The following CCSER1 variants were observed in gnomAD, a reference collection of about 807,000 sequenced individuals.
CCSER1 encodes the protein serine-rich coiled-coil domain-containing protein 1.
CCSER1 carries 41 observed loss-of-function variants against 82.0 expected under a neutral mutation model. The ratio of observed to expected loss-of-function variants is 0.50; its 90% CI spans 0.39 to 0.65. The LOEUF is 0.65. Ranked by LOEUF, CCSER1 falls within the 30% of genes least tolerant of loss-of-function variation. The pLI, the probability that CCSER1 is intolerant of heterozygous loss-of-function variation, is 0.00. For synonymous variants in CCSER1, 414 were observed against 383.9 expected (o/e 1.08, Z -0.92); for missense variants, 1,119 against 1,064.2 (o/e 1.05, Z -0.72).
chr4:91,260,855 G>A (rs1741068434), intron 10 of CCSER1, among the ~76,000 whole-genome samples: 1 of 152,078 alleles, frequency 6.6e-6, no homozygotes, highest in African/African-American at 2.4e-5. Flanking sequence ...CCACCTCCCG[G>A]GTTCACGCCA....
intron 5 of CCSER1, among the ~76,000 whole-genome samples, chr4:90,605,259 T>C (rs1030248364): frequency 6.6e-6 from 1 of 152,216 alleles, no homozygotes; most frequent in East Asian, 1.9e-4. Context: ...AGCTTCATTC[T>C]TGAAGTCAGC....
At chr4:91,245,728 C>A (rs1471738460) in intron 10 of CCSER1, among the ~76,000 whole-genome samples, 1 of 152,130 alleles carries the variant, frequency 6.6e-6, no homozygotes, top group African/African-American at 2.4e-5. Flanking sequence ...TGGAGTTTCG[C>A]TCTTGTTGCC....
chr4:91,362,059 C>A (rs957794400), intron 10 of CCSER1, among the ~76,000 whole-genome samples: 10 of 151,680 alleles, frequency 6.6e-5, no homozygotes, highest in African/African-American at 2.4e-4. Flanking sequence ...GAAGGCCCTG[C>A]ACGGAAGGGA....
chr4:90,334,083 C>A (rs1361666767), intron 3 of CCSER1, among the ~76,000 whole-genome samples: 1 of 152,170 alleles, frequency 6.6e-6, no homozygotes, highest in Non-Finnish European at 1.5e-5. Flanking sequence ...ATTCTTAACA[C>A]AACCATTACC....
intron 9 of CCSER1, among the ~76,000 whole-genome samples, chr4:91,051,513 T>C (rs1347788571): frequency 1.3e-5 from 2 of 152,158 alleles, no homozygotes; most frequent in Non-Finnish European, 2.9e-5. Flanking sequence ...ACTTTCAAAC[T>C]GTTCCTAAAA....
chr4:91,578,923 T>C (rs1292346193), intron 10 of CCSER1, among the ~76,000 whole-genome samples: 1 of 151,822 alleles, frequency 6.6e-6, no homozygotes, highest in Non-Finnish European at 1.5e-5. Context: ...TGTCTATTCA[T>C]CCATCCATAT....
At chr4:90,209,359 T>A (rs1177817837) in intron 1 of CCSER1, among the ~76,000 whole-genome samples, 2 of 152,018 alleles carry the variant, frequency 1.3e-5, no homozygotes, top group Non-Finnish European at 2.9e-5. Context: ...ATCTGGGCAA[T>A]GAGTAGTGGA....
intron 10 of CCSER1, among the ~76,000 whole-genome samples, chr4:91,225,070 G>A (rs1039177032): frequency 6.7e-6 from 1 of 148,396 alleles, no homozygotes; most frequent in Non-Finnish European, 1.5e-5. Context: ...AAATAGCAAT[G>A]TTTTAGAATT....
intron 10 of CCSER1, among the ~76,000 whole-genome samples, chr4:91,459,138 CT>C (rs1314809160): frequency 1.6e-4 from 12 of 76,694 alleles, no homozygotes; most frequent in African/African-American, 5.3e-4. Context: ...TTTACAAAGT[CT>C]TTTTTTAAAA....
intron 5 of CCSER1, among the ~76,000 whole-genome samples, chr4:90,484,939 G>T (rs914620488): frequency 1.3e-5 from 2 of 152,206 alleles, no homozygotes; most frequent in Admixed American, 6.5e-5. Context: ...AGAGGTTATT[G>T]CTGTCTTTTG....
chr4:90,783,127 A>C (rs1319277121), intron 7 of CCSER1, among the ~76,000 whole-genome samples: 2 of 152,122 alleles, frequency 1.3e-5, no homozygotes, highest in Non-Finnish European at 2.9e-5. Flanking sequence ...TTTTTAGTAG[A>C]GATGGGGTTT....
At chr4:90,469,640 G>T (rs1764102128) in intron 5 of CCSER1, among the ~76,000 whole-genome samples, 1 of 151,326 alleles carries the variant, frequency 6.6e-6, no homozygotes, top group Non-Finnish European at 1.5e-5. Flanking sequence ...ATTGAGAAAG[G>T]ACCTGAAATC....
intron 10 of CCSER1, among the ~76,000 whole-genome samples, chr4:91,127,880 A>C (rs1727650216): frequency 1.3e-5 from 2 of 152,016 alleles, no homozygotes; most frequent in African/African-American, 4.8e-5. Flanking sequence ...AAATGGCAAA[A>C]ATGCTATTGC....
intron 1 of CCSER1, among the ~76,000 whole-genome samples, chr4:90,299,192 T>G (rs1161644961): frequency 3.3e-5 from 5 of 152,080 alleles, no homozygotes; most frequent in African/African-American, 1.2e-4. Flanking sequence ...CTTTTGTAGC[T>G]TTTCCCATTG....
intron 3 of CCSER1, among the ~76,000 whole-genome samples, chr4:90,316,654 T>A (rs1014689470): frequency 3.9e-5 from 6 of 152,328 alleles, no homozygotes; most frequent in Non-Finnish European, 4.4e-5. Flanking sequence ...CAGCCCTTCA[T>A]GTAGTTCATG....
chr4:90,893,202 C>A (rs1366068139), intron 8 of CCSER1, among the ~76,000 whole-genome samples: 3 of 151,910 alleles, frequency 2.0e-5, no homozygotes, highest in Non-Finnish European at 4.4e-5. Context: ...ACAGAAAGTC[C>A]CACACACCAC....
chr4:91,106,318 A>G (rs534087351), intron 10 of CCSER1, among the ~76,000 whole-genome samples: 1 of 152,338 alleles, frequency 6.6e-6, no homozygotes, highest in South Asian at 2.1e-4. Flanking sequence ...CCGAAGTCAT[A>G]GTTAGTAAGC....
At position 91,181,757 on chromosome 4, in the gene CCSER1, G is replaced by A. The variant is rs369775370; in HGVS notation, c.2217+95763G>A. On this transcript the variant is annotated intron_variant, in intron 10 of 10. Coordinates refer to ENST00000509176, the MANE Select transcript of CCSER1 (RefSeq NM_001145065.2). Reference sequence around the variant, plus strand: ...CAATGCGATCTTCCTAAACAAGTACGTTCATTTTTTCTAACTGGGTCCAAG... The same window carrying A: ...CAATGCGATCTTCCTAAACAAGTACATTCATTTTTTCTAACTGGGTCCAAG... 2.6e-4 allele frequency among the ~76,000 whole-genome samples: 39 copies of A among 152,268 alleles called. No individual in the cohort carries two copies. In the East Asian group the frequency reaches 5.8e-3, roughly 23 times the overall value.
chr4:90,325,247 T>A (rs546537836), intron 3 of CCSER1, among the ~76,000 whole-genome samples: 4 of 152,202 alleles, frequency 2.6e-5, no homozygotes, highest in Non-Finnish European at 4.4e-5. Context: ...TAAATAGTCA[T>A]GTTGTAACAA....
Sources: gnomAD v4.1 joint callset for allele counts (sites outside exome capture counted in the v4.1 genomes callset) on GRCh38, gnomAD v4.1.1 for gene constraint, MANE v1.5 for transcripts, NCBI Gene and HGNC (gene_info 2026-07-23, HGNC 2026-07-21) for gene names.